The following LDB2 variants were observed in gnomAD, a reference collection of about 807,000 sequenced individuals.
The protein encoded by LDB2 is LIM domain binding 2.
LDB2 carries 12 observed loss-of-function variants against 44.3 expected under a neutral mutation model. The observed-to-expected ratio is 0.27, with a 90% CI of 0.17 to 0.44. The LOEUF (loss-of-function observed/expected upper bound fraction) is 0.44, where lower values mean the gene tolerates loss of function less well. Among genes scored for constraint, LDB2 ranks in the 20% least tolerant of loss-of-function variants. The pLI is 1.00. For missense variants in LDB2, 344 were observed against 473.5 expected, an observed-to-expected ratio of 0.73 and a Z score of 2.54; for synonymous variants, 164 against 174.8, an observed-to-expected ratio of 0.94 and a Z score of 0.49.
At chr4:16,822,357 T>C (rs1048799120) in intron 1 of LDB2, among the ~76,000 whole-genome samples, 2 of 152,122 alleles carry the variant, frequency 1.3e-5, no homozygotes, top group African/African-American at 2.4e-5. Flanking sequence ...AAAGAAAGCA[T>C]GTCAGCTAAC....
At chr4:16,693,880 C>G (rs1027284597) in intron 2 of LDB2, among the ~76,000 whole-genome samples, 1 of 152,226 alleles carries the variant, frequency 6.6e-6, no homozygotes, top group Non-Finnish European at 1.5e-5. Flanking sequence ...ACACACCATC[C>G]TTTCTCTCCC....
At chr4:16,754,159 C>A (rs1766022872) in intron 2 of LDB2, among the ~76,000 whole-genome samples, 1 of 152,232 alleles carries the variant, frequency 6.6e-6, no homozygotes, top group Non-Finnish European at 1.5e-5. Context: ...CCCACACATT[C>A]TTAATCACTG....
At chr4:16,780,790 G>C (rs934809025) in intron 1 of LDB2, among the ~76,000 whole-genome samples, 1 of 151,042 alleles carries the variant, frequency 6.6e-6, no homozygotes, top group Non-Finnish European at 1.5e-5. Context: ...TGGGCTAAAT[G>C]CTTTATTACT....
In LDB2 at chr4:16,810,895, C is replaced by T. The variant is rs540131730; in HGVS notation, c.133-51635G>A. Among the ~76,000 whole-genome samples, 13 of 152,302 alleles carry T rather than the reference C, an allele frequency of 8.5e-5. No individual in the cohort carries two copies. In the East Asian group the frequency reaches 2.5e-3, roughly 29 times the overall value. On this transcript the variant is annotated intron_variant, in intron 1 of 7. Transcript: ENST00000304523. Reference sequence around the variant, plus strand: ...GTGTAAGAATAATCAGTTATAGCAACAGTCCCCAACATTTTTGGCACCAGG... The same window carrying T: ...GTGTAAGAATAATCAGTTATAGCAATAGTCCCCAACATTTTTGGCACCAGG...
At chr4:16,622,737 A>G (rs533416870) in intron 2 of LDB2, among the ~76,000 whole-genome samples, 1 of 152,324 alleles carries the variant, frequency 6.6e-6, no homozygotes, top group Non-Finnish European at 1.5e-5. Context: ...AGAAACTAAG[A>G]TGGGATTTTA....
chr4:16,506,130 A>G (rs1719318968), intron 7 of LDB2: 3 of 715,794 alleles, frequency 4.2e-6, no homozygotes, highest in African/African-American at 1.8e-5. Context: ...TGCAGGTAGC[A>G]TCTCTAGTTA....
intron 5 of LDB2, among the ~76,000 whole-genome samples, chr4:16,532,888 C>T (rs1270316744): frequency 6.6e-6 from 1 of 152,188 alleles, no homozygotes; most frequent in Non-Finnish European, 1.5e-5. Context: ...GGCAAATGTT[C>T]TCTGTGTGCC....
At position 16,502,615 on chromosome 4, in the gene LDB2, T is replaced by A; in HGVS notation, c.*28A>T. 6.2e-7 allele frequency: 1 copy of A among 1,611,348 alleles called. No homozygotes were observed. Among genetic ancestry groups the A allele is most frequent in the Non-Finnish European group, 8.5e-7 (1 of 1,177,572 alleles). ...ATTGTAATGATCACCCACGGGCCTA[T>A]TGACAGTGGATTCTGGTGCCGATCA... is the stretch of plus-strand genomic sequence containing the variant. On this transcript the variant is annotated 3_prime_UTR_variant, in exon 8 of 8. Coordinates refer to ENST00000304523, the MANE Select transcript of LDB2 (RefSeq NM_001290.5).
chr4:16,616,713 C>T (rs1727441354), intron 2 of LDB2, among the ~76,000 whole-genome samples: 1 of 151,782 alleles, frequency 6.6e-6, no homozygotes, highest in African/African-American at 2.4e-5. Context: ...TCAGAACCTA[C>T]TCCTTTTGCT....
chr4:16,803,952 C>T (rs535658085), intron 1 of LDB2, among the ~76,000 whole-genome samples: 1 of 152,100 alleles, frequency 6.6e-6, no homozygotes, highest in South Asian at 2.1e-4. Context: ...CAGGTTTTTA[C>T]CTTTAAGTAT....
At chr4:16,727,739 T>C (rs1759833049) in intron 2 of LDB2, among the ~76,000 whole-genome samples, 1 of 152,244 alleles carries the variant, frequency 6.6e-6, no homozygotes. Context: ...TGTCCTACCA[T>C]TAAAACCTCT....
At chr4:16,524,652 A>T (rs575624560) in intron 5 of LDB2, among the ~76,000 whole-genome samples, 36 of 152,274 alleles carry the variant, frequency 2.4e-4, no homozygotes, top group African/African-American at 8.2e-4. Context: ...AGGCAAAAAC[A>T]TTCTGTGTGT....
Position 16,582,441 on chromosome 4 carries a change from A to C in LDB2, c.615+3481T>G, listed in dbSNP as rs1715078752. Among the ~76,000 whole-genome samples, 1 of 152,132 alleles carries C rather than the reference A, an allele frequency of 6.6e-6. No homozygotes were observed. Among genetic ancestry groups the C allele is most frequent in the Non-Finnish European group, 1.5e-5 (1 of 68,032 alleles). On this transcript the variant is annotated intron_variant, in intron 5 of 7. Transcript: ENST00000304523. The surrounding 1 kb of genome is among the most constrained non-coding windows in gnomAD (Gnocchi z 4.8). ...ACAGGACTTCTGCTTCCCAACAAAC[A>C]AGGCAAAGGACACATTTCCGAGTTC...
intron 2 of LDB2, among the ~76,000 whole-genome samples, chr4:16,633,006 T>C (rs1045506263): frequency 3.3e-5 from 5 of 152,216 alleles, no homozygotes; most frequent in Non-Finnish European, 5.9e-5. Context: ...ATTGCAGCAC[T>C]ATTCACAATA....
intron 1 of LDB2, among the ~76,000 whole-genome samples, chr4:16,827,850 A>G (rs1236197253): frequency 6.6e-6 from 1 of 152,204 alleles, no homozygotes; most frequent in Non-Finnish European, 1.5e-5. Flanking sequence ...GCCAGATGAC[A>G]CACTGGTTGG....
At chr4:16,795,145 T>G (rs1579734048) in intron 1 of LDB2, among the ~76,000 whole-genome samples, 1 of 152,036 alleles carries the variant, frequency 6.6e-6, no homozygotes. Context: ...TACCCAAGAC[T>G]GGCAGAAAGA....
intron 2 of LDB2, among the ~76,000 whole-genome samples, chr4:16,636,283 A>G (rs1031103174): frequency 7.9e-5 from 12 of 152,212 alleles, no homozygotes; most frequent in Non-Finnish European, 1.6e-4. Context: ...CATAAGGAAA[A>G]CCACACAAAT....
intron 2 of LDB2, among the ~76,000 whole-genome samples, chr4:16,753,873 T>C (rs1561106528): frequency 1.3e-5 from 2 of 152,310 alleles, no homozygotes; most frequent in East Asian, 1.9e-4. Context: ...AATGTGCTTA[T>C]TGGAATCCAA....
intron 2 of LDB2, among the ~76,000 whole-genome samples, chr4:16,676,187 T>A (rs1746279379): frequency 6.6e-6 from 1 of 152,244 alleles, no homozygotes; most frequent in Non-Finnish European, 1.5e-5. Flanking sequence ...GCACTTCACA[T>A]ATAGCTGAAT....
Sources: gnomAD v4.1 joint callset for allele counts (sites outside exome capture counted in the v4.1 genomes callset) on GRCh38, gnomAD v4.1.1 for gene constraint, Gnocchi (gnomAD v3.1) non-coding constraint, MANE v1.5 for transcripts, NCBI Gene and HGNC (gene_info 2026-07-23, HGNC 2026-07-21) for gene names.